Variants in SLIT3 observed in about 807,000 individuals in gnomAD.
The protein encoded by SLIT3 is slit guidance ligand 3, also known as slit homolog 3 protein.
In SLIT3, 68 loss-of-function variants were observed where a neutral mutation model predicts 184.0. The ratio of observed to expected loss-of-function variants is 0.37; its 90% confidence interval spans 0.30 to 0.45. The LOEUF is 0.45. Ranked by LOEUF, SLIT3 falls within the 20% of genes least tolerant of loss-of-function variation. SLIT3 has a pLI of 1.00. For missense variants in SLIT3, 1,707 were observed against 2,026.0 expected, an observed-to-expected ratio of 0.84 and a Z score of 3.02; for synonymous variants, 831 against 828.6, an observed-to-expected ratio of 1.00 and a Z score of -0.05.
intron 4 of SLIT3, among the ~76,000 whole-genome samples, chr5:169,176,683 T>C (rs904590636): frequency 6.6e-6 from 1 of 152,224 alleles, no homozygotes; most frequent in Non-Finnish European, 1.5e-5. Context: ...CACAACTATG[T>C]AACGTTGCCC....
At chr5:169,107,868 T>C (rs994035807) in intron 4 of SLIT3, among the ~76,000 whole-genome samples, 1 of 152,264 alleles carries the variant, frequency 6.6e-6, no homozygotes, top group Non-Finnish European at 1.5e-5. Flanking sequence ...AACTTTCTTC[T>C]TCCTTTTAAT....
intron 4 of SLIT3, among the ~76,000 whole-genome samples, chr5:169,103,136 T>A (rs903608964): frequency 1.3e-5 from 2 of 152,222 alleles, no homozygotes; most frequent in Non-Finnish European, 2.9e-5. Context: ...ATAGGCACTC[T>A]TAATTATTCT....
chr5:169,204,976 A>G (rs1349488956), intron 3 of SLIT3, among the ~76,000 whole-genome samples: 1 of 152,224 alleles, frequency 6.6e-6, no homozygotes, highest in East Asian at 1.9e-4. Flanking sequence ...TGCAAACAAT[A>G]GAAGGCTGAA....
intron 4 of SLIT3, among the ~76,000 whole-genome samples, chr5:169,022,465 G>A (rs1047035670): frequency 1.3e-5 from 2 of 152,178 alleles, no homozygotes; most frequent in Non-Finnish European, 2.9e-5. Flanking sequence ...TTGTGAACAG[G>A]GAAAAGTGAA....
At chr5:168,797,319 G>A (rs1463735445) in intron 9 of SLIT3, among the ~76,000 whole-genome samples, 1 of 152,226 alleles carries the variant, frequency 6.6e-6, no homozygotes, top group African/African-American at 2.4e-5. Flanking sequence ...CCAGTCAGGT[G>A]GTGCGTGCTC....
At chr5:169,245,761 T>C (rs997333432) in intron 2 of SLIT3, among the ~76,000 whole-genome samples, 1 of 152,228 alleles carries the variant, frequency 6.6e-6, no homozygotes, top group Non-Finnish European at 1.5e-5. Flanking sequence ...TGCATCTTTA[T>C]ATCAAACTGA....
intron 4 of SLIT3, among the ~76,000 whole-genome samples, chr5:169,152,365 C>T (rs771529191): frequency 1.1e-4 from 17 of 152,198 alleles, no homozygotes; most frequent in Non-Finnish European, 2.2e-4. Context: ...CCTGCTGATC[C>T]CTCAGCTTCT....
At chr5:168,667,197 G>A (rs1167509116) in intron 35 of SLIT3, among the ~76,000 whole-genome samples, 1 of 152,180 alleles carries the variant, frequency 6.6e-6, no homozygotes, top group African/African-American at 2.4e-5. Flanking sequence ...TTTAGATGGG[G>A]CAGGCAATCT....
intron 9 of SLIT3, among the ~76,000 whole-genome samples, chr5:168,804,791 T>C (rs982020018): frequency 6.6e-6 from 1 of 152,198 alleles, no homozygotes; most frequent in African/African-American, 2.4e-5. Flanking sequence ...GTAAGTCGTA[T>C]GCTTCTTCCC....
chr5:168,828,658 C>A (rs1447959379), intron 6 of SLIT3, among the ~76,000 whole-genome samples: 78 of 97,090 alleles, frequency 8.0e-4, no homozygotes, highest in East Asian at 2.7e-3. Context: ...GATCCTGACT[C>A]AAAAAAAAAA....
At chr5:168,991,392 C>G (rs1762411403) in intron 4 of SLIT3, among the ~76,000 whole-genome samples, 1 of 152,346 alleles carries the variant, frequency 6.6e-6, no homozygotes, top group South Asian at 2.1e-4. Context: ...GGGCAGTCAC[C>G]TGCCTGGCTG....
chr5:169,273,623 G>GAGAAT (rs1367958216), intron 1 of SLIT3, among the ~76,000 whole-genome samples: 1 of 152,206 alleles, frequency 6.6e-6, no homozygotes, highest in Non-Finnish European at 1.5e-5. Flanking sequence ...ATTTCAATGT[G>GAGAAT]CAGCTAGGGT....
chr5:168,856,806 T>TGTGTGTGTGTGCGCGCGC (rs374432432), intron 5 of SLIT3, among the ~76,000 whole-genome samples: 1 of 137,740 alleles, frequency 7.3e-6, no homozygotes, highest in African/African-American at 2.8e-5. Flanking sequence ...TGTGTGTGTG[T>TGTGTGTGTGTGCGCGCGC]GCGCGCGCGC....
At chr5:169,020,918 T>C (rs1378015555) in intron 4 of SLIT3, among the ~76,000 whole-genome samples, 4 of 152,214 alleles carry the variant, frequency 2.6e-5, no homozygotes, top group Admixed American at 1.3e-4. Context: ...AAGATAACCC[T>C]TCCTCCAGGA....
At chr5:168,690,741 G>A (rs1157375301) in intron 29 of SLIT3, among the ~76,000 whole-genome samples, 2 of 152,208 alleles carry the variant, frequency 1.3e-5, no homozygotes, top group Admixed American at 6.5e-5. Flanking sequence ...TGGGGCAGAT[G>A]AGGTAGATAG....
intron 3 of SLIT3, among the ~76,000 whole-genome samples, chr5:169,200,525 TCCAGGCCAGCAAGCG>T (rs1763877264): frequency 7.0e-6 from 1 of 142,772 alleles, no homozygotes; most frequent in African/African-American, 2.5e-5. Context: ...CAGCTGCTGC[TCCAGGCCAGCAAGCG>T]CCAGGGATGA....
chr5:168,771,907 C>T (rs1755561393), intron 14 of SLIT3, among the ~76,000 whole-genome samples: 1 of 152,204 alleles, frequency 6.6e-6, no homozygotes, highest in African/African-American at 2.4e-5. Context: ...GCTGCACACA[C>T]CGTGAGGGTT....
intron 4 of SLIT3, among the ~76,000 whole-genome samples, chr5:168,975,128 C>A (rs1001206428): frequency 6.6e-6 from 1 of 152,180 alleles, no homozygotes; most frequent in Non-Finnish European, 1.5e-5. Flanking sequence ...ACTTCCTGGA[C>A]ATGGTGCCTT....
intron 4 of SLIT3, among the ~76,000 whole-genome samples, chr5:168,940,604 TCAA>T (rs1203863063): frequency 6.6e-6 from 1 of 152,136 alleles, no homozygotes; most frequent in African/African-American, 2.4e-5. Context: ...ATTATGGGTA[TCAA>T]CAAGACAAGG....
Sources: allele counts gnomAD v4.1 joint callset (sites outside exome capture counted in the v4.1 genomes callset), GRCh38; gene constraint gnomAD v4.1.1; transcripts MANE v1.5; gene names NCBI Gene and HGNC (gene_info 2026-07-23, HGNC 2026-07-21).